WDR90: variants seen among roughly 807,000 people sequenced by gnomAD.
The protein encoded by WDR90 is WD repeat domain 90, also known as WD repeat-containing protein 90.
WDR90 carries 238 observed loss-of-function variants against 195.2 expected under a neutral mutation model. The ratio of observed to expected loss-of-function variants is 1.22; its 90% confidence interval spans 1.10 to 1.36. The LOEUF (loss-of-function observed/expected upper bound fraction) is 1.36. WDR90 is among the 40% of genes most tolerant of loss of function. The pLI, the probability that WDR90 is intolerant of heterozygous loss-of-function variation, is 0.00. For synonymous variants in WDR90, 1,265 were observed against 1,052.4 expected, an observed-to-expected ratio of 1.20 and a Z score of -3.91; for missense variants, 2,734 against 2,439.5, an observed-to-expected ratio of 1.12 and a Z score of -2.54.
intron 34 of WDR90, among the ~76,000 whole-genome samples, chr16:663,765 C>G (rs539461020): frequency 2.0e-5 from 3 of 152,334 alleles, no homozygotes; most frequent in South Asian, 2.1e-4. Context: ...CGTGTCGCCC[C>G]CTCACCCGCC....
rs930789900 is a variant in WDR90 at position 657,678 on chromosome 16, G to A, written c.2474-84G>A. ...GGGCTGGTGTTTCCCGAAAGTGGGG[G>A]CAGGGGCGGCGGCCTCCTCGGGCCC... On this transcript the variant is annotated intron_variant, in intron 20 of 40. Transcript: ENST00000293879. The A allele has an allele frequency of 2.2e-5, 31 of 1,429,436 alleles. No homozygotes were observed. In the South Asian group the frequency reaches 3.1e-4, roughly 14 times the overall value. The allele number at this position is 1,429,436 out of a possible 1,614,324, so 88.5% of individuals were successfully genotyped here.
At chr16:656,070 G>A in intron 17 of WDR90, 181 bp downstream of exon 17, 1 of 814,492 alleles carries the variant, frequency 1.2e-6, no homozygotes, top group Non-Finnish European at 1.9e-6. Flanking sequence ...GGCCCGCGGG[G>A]CAGCCTCACG....
rs771784697 is a variant in WDR90, at chr16:660,709, A to G, written c.3386A>G (p.Asp1129Gly). 1.3e-6 allele frequency: 2 copies of G among 1,564,360 alleles called. No individual in the cohort carries two copies. The highest frequency in any genetic ancestry group is 2.3e-5 in the South Asian group (2 of 85,388). ...NGRANMVWRPDTGFFAYTCGR... is the reference protein window; with the variant it reads ...NGRANMVWRPGTGFFAYTCGR... Reference sequence around the variant, plus strand: ...CGGGCCAACATGGTCTGGAGGCCGGACACAGGTGGGGGCCAAGAGCCTACC... The same window carrying G: ...CGGGCCAACATGGTCTGGAGGCCGGGCACAGGTGGGGGCCAAGAGCCTACC... The change falls in exon 28 of 41, where the codon GAC becomes GGC. Residue 1129 changes from aspartate to glycine, a missense_variant. Coordinates refer to ENST00000293879, the MANE Select transcript of WDR90 (RefSeq NM_145294.5).
rs376947100 is a variant in WDR90 at position 658,904 on chromosome 16, C to G, written c.2904C>G (p.Ile968Met). Residue 968 changes from isoleucine (I) to methionine (M), a missense_variant, in exon 24 of 41, where the codon ATC becomes ATG. By Grantham distance (10) the Ile-to-Met change is conservative. Transcript: ENST00000293879. ...TQASPGPQVY[I>M]GHSEPVQAVA... ...GACGCCGCTACCCCTAGGTGTACATCGGCCACTCGGAACCCGTGCAGGCTG... is the reference window on the plus strand; with the variant it reads ...GACGCCGCTACCCCTAGGTGTACATGGGCCACTCGGAACCCGTGCAGGCTG... 6.2e-7 allele frequency: 1 copy of G among 1,611,930 alleles called. No homozygotes were observed. The highest frequency in any genetic ancestry group is 2.2e-5 in the East Asian group (1 of 44,888).
In WDR90 at chr16:665,972, G is replaced by T; in HGVS notation, c.4457G>T (p.Ser1486Ile). ...CAGAGCTGCCTCTGCCTGGCATGGAGCCCCCCGTGCTGTGGCCGCCCTGAG... is the reference window on the plus strand; with the variant it reads ...CAGAGCTGCCTCTGCCTGGCATGGATCCCCCCGTGCTGTGGCCGCCCTGAG... ...LNQSCLCLAW[S>I]PPCCGRPEQQ... The change falls in exon 36 of 41, where the codon AGC becomes ATC. Residue 1486 changes from serine to isoleucine, a missense_variant. Physicochemically the swap from Ser to Ile is moderately radical, Grantham distance 142. Coordinates refer to ENST00000293879, the MANE Select transcript of WDR90 (RefSeq NM_145294.5). 1 of 1,594,540 alleles carries T rather than the reference G, an allele frequency of 6.3e-7. No individual in the cohort carries two copies.
chr16:649,327 C>G (rs2037588989), upstream of WDR90: 1 of 1,299,196 alleles, frequency 7.7e-7, no homozygotes, highest in Non-Finnish European at 9.8e-7. Flanking sequence ...GGAAGTGGCA[C>G]CGTTGCCAGG....
rs1596462890 is a variant in WDR90, at chr16:656,625, G to A, written c.2202+88G>A. 4 of 1,572,062 alleles carry A rather than the reference G, an allele frequency of 2.5e-6. No homozygotes were observed. The South Asian group carries it at 3.5e-5, about 14-fold the overall frequency. ...AGCGGGGGTGAGAGGGGCCTATAGG[G>A]ACCTGGACTTTCCAGCCTGTGTCGG... On this transcript the variant is annotated intron_variant, in intron 18 of 40. Coordinates refer to ENST00000293879, the MANE Select transcript of WDR90 (RefSeq NM_145294.5).
At chr16:660,515 G>C in intron 27 of WDR90, 97 bp from the exon 28 acceptor site, 1 of 1,281,422 alleles carries the variant, frequency 7.8e-7, no homozygotes, top group South Asian at 1.3e-5. Context: ...CTCTGCAGCT[G>C]GCCTGGGTGT....
At chr16:663,430 T>C in intron 34 of WDR90, 1 of 155,546 alleles carries the variant, frequency 6.4e-6, no homozygotes, top group South Asian at 8.3e-5. Context: ...AGAGACTCCA[T>C]CTCAAAGGAA....
At position 661,643 on chromosome 16, in the gene WDR90, T is replaced by C. The variant is rs767228715; in HGVS notation, c.3720T>C (p.Tyr1240=). Residue 1240 remains tyrosine, a synonymous_variant, in exon 31 of 41, where the codon TAT becomes TAC. Coordinates refer to ENST00000293879, the MANE Select transcript of WDR90 (RefSeq NM_145294.5). ...TCGCCCTGTGGGGCACGGCCACCTA[T>C]GACCTCGTGTCCTCCACCCGCCTCC... ...RTLALWGTAT[Y]DLVSSTRLPE... 25 of 1,608,584 alleles carry C rather than the reference T, an allele frequency of 1.6e-5. No individual in the cohort carries two copies. Among genetic ancestry groups the C allele is most frequent in the Non-Finnish European group, 2.1e-5 (25 of 1,178,046 alleles).
chr16:658,219 A>G lies in WDR90; in HGVS notation c.2641A>G (p.Ser881Gly), dbSNP rs1467270413. 6 of 1,612,238 alleles carry G rather than the reference A, an allele frequency of 3.7e-6. No individual in the cohort carries two copies. In the South Asian group the frequency reaches 5.5e-5, roughly 15 times the overall value. The part of the protein sequence containing the change: ...RVDIGTLDLA[S>G]SRLDSAMAVC... Reference sequence around the variant, plus strand: ...TGACATCGGCACTCTGGACCTGGCCAGCAGCCGCCTGGACTCAGCCATGGC... The same window carrying G: ...TGACATCGGCACTCTGGACCTGGCCGGCAGCCGCCTGGACTCAGCCATGGC... The change falls in exon 22 of 41, where the codon AGC (serine) becomes GGC (glycine). Residue 881 changes from serine (S) to glycine (G), a missense_variant. Ser to Gly is a moderately conservative substitution (Grantham distance 56, BLOSUM62 0). Coordinates refer to ENST00000293879, the MANE Select transcript of WDR90 (RefSeq NM_145294.5).
In WDR90 at chr16:655,293, C is replaced by G. The variant is rs1334467935; in HGVS notation, c.1557-14C>G. On this transcript the variant is annotated splice_polypyrimidine_tract_variant and intron_variant, in intron 14 of 40. Transcript: ENST00000293879. The stretch of plus-strand genomic sequence containing the variant: ...CTGCGAGCTGCGGCAGTGCTCAGTC[C>G]TCATTCCTTGCAGGATGGCGTCGTG... 1 of 1,608,226 alleles carries G rather than the reference C, an allele frequency of 6.2e-7. No homozygotes were observed. The highest frequency in any genetic ancestry group is 2.2e-5 in the East Asian group (1 of 44,878).
rs551754069 is a variant in WDR90, at chr16:654,047, C to T, written c.1437+244C>T. 370 of 561,160 alleles carry T rather than the reference C, an allele frequency of 6.6e-4. 1 individual carries two copies. The highest frequency in any genetic ancestry group is 4.6e-3 in the East Asian group (157 of 34,196). The allele number at this position is 561,160 out of a possible 1,614,324, so 34.8% of individuals were successfully genotyped here. A position where few individuals can be genotyped will look rare whatever the true frequency, so the allele number is the denominator to read the frequency against. Reference sequence around the variant, plus strand: ...GGCCATCGGAGTCGGTTTAAGCCAGCGTTTACACACCTCGCCTCGTTCTCT... The same window carrying T: ...GGCCATCGGAGTCGGTTTAAGCCAGTGTTTACACACCTCGCCTCGTTCTCT... On this transcript the variant is annotated intron_variant, in intron 13 of 40. Coordinates refer to ENST00000293879, the MANE Select transcript of WDR90 (RefSeq NM_145294.5).
intron 26 of WDR90, among the ~76,000 whole-genome samples, chr16:659,612 A>ATCAGGTGGAACACAGTGGGGTCGGGGT (rs1555462564): frequency 6.6e-6 from 1 of 152,134 alleles, no homozygotes; most frequent in Admixed American, 6.6e-5. Flanking sequence ...CCTTGGCCCC[A>ATCAGGTGGAACACAGTGGGGTCGGGGT]GGCACCTTGT....
At chr16:665,573 G>A in intron 34 of WDR90, 106 bp from the exon 35 acceptor site, 1 of 1,572,392 alleles carries the variant, frequency 6.4e-7, no homozygotes, top group Non-Finnish European at 8.7e-7. Context: ...AGAGGCACAT[G>A]CTCTGGTTTG....
Position 651,697 on chromosome 16 carries a change from C to T in WDR90, c.790C>T (p.Pro264Ser). Reference sequence around the variant, plus strand: ...CCCTTGCCCGGTGGCCTCCAGCAAACCTGTGCGGTTCAGTGTGTCTCCAGT... The same window carrying T: ...CCCTTGCCCGGTGGCCTCCAGCAAATCTGTGCGGTTCAGTGTGTCTCCAGT... ...PLPCPVASSK[P>S]VRFSVSPVVQ... Residue 264 changes from proline to serine, a missense_variant, in exon 8 of 41, where the codon CCT becomes TCT. Physicochemically the swap from Pro to Ser is moderately conservative, Grantham distance 74. Transcript: ENST00000293879. The T allele has an allele frequency of 1.9e-6, 3 of 1,613,108 alleles. No homozygotes were observed. The highest frequency in any genetic ancestry group is 1.7e-5 in the Admixed American group (1 of 60,028).
chr16:656,852 G>A lies in WDR90; in HGVS notation c.2323G>A (p.Glu775Lys). ...GCGCTCCTTCAGCCTGGAGGCCGCT[G>A]AGGTCCTGGTGGAACACACGTAAGT... ...AVRSFSLEAA[E>K]VLVEHTCHRG... Residue 775 changes from glutamate to lysine, a missense_variant, in exon 19 of 41, where the codon GAG (glutamate) becomes AAG (lysine). Physicochemically the swap from Glu to Lys is moderately conservative, Grantham distance 56. Coordinates refer to ENST00000293879, the MANE Select transcript of WDR90 (RefSeq NM_145294.5). The A allele has an allele frequency of 6.2e-7, 1 of 1,612,872 alleles. No homozygotes were observed. Among genetic ancestry groups the A allele is most frequent in the Non-Finnish European group, 8.5e-7 (1 of 1,179,924 alleles).
chr16:657,790 G>T lies in WDR90; in HGVS notation c.2502G>T (p.Ala834=). 1 of 1,551,876 alleles carries T rather than the reference G, an allele frequency of 6.4e-7. No homozygotes were observed. The highest frequency in any genetic ancestry group is 1.2e-5 in the South Asian group (1 of 84,212). ...AADMVCPDAP[A]SPSALAVSRD... ...ACATGGTATGCCCGGATGCCCCCGC[G>T]AGCCCCAGCGCCCTGGCAGTCAGCA... Residue 834 remains alanine, a synonymous_variant, in exon 21 of 41, where the codon GCG becomes GCT. Coordinates refer to ENST00000293879, the MANE Select transcript of WDR90 (RefSeq NM_145294.5).
intron 23 of WDR90, 82 bp downstream of exon 23, chr16:658,735 G>T: frequency 1.3e-6 from 2 of 1,568,656 alleles, no homozygotes; most frequent in African/African-American, 1.4e-5. Context: ...GTGTGGGTGG[G>T]GGCAGGGAGA....
Sources: gnomAD v4.1 joint callset for allele counts (sites outside exome capture counted in the v4.1 genomes callset) on GRCh38, gnomAD v4.1.1 for gene constraint, MANE v1.5 for transcripts, NCBI Gene and HGNC (gene_info 2026-07-23, HGNC 2026-07-21) for gene names.